Variants in CDC42BPG observed in about 807,000 individuals in gnomAD.
CDC42BPG encodes the protein serine/threonine-protein kinase MRCK gamma.
In CDC42BPG, 157 loss-of-function variants were observed where a neutral mutation model predicts 192.2. The ratio of observed to expected loss-of-function variants is 0.82; its 90% CI spans 0.72 to 0.93. The LOEUF (loss-of-function observed/expected upper bound fraction) is 0.93. CDC42BPG is among the 40% of genes least tolerant of loss of function. CDC42BPG has a pLI of 0.00. For missense variants in CDC42BPG, 1,992 were observed against 2,122.1 expected (o/e 0.94, Z 1.20); for synonymous variants, 981 against 918.5 (o/e 1.07, Z -1.23).
At position 64,834,649 on chromosome 11, in the gene CDC42BPG, G is replaced by A. The variant is rs750435313; in HGVS notation, c.2176-72C>T. The A allele has an allele frequency of 5.2e-5, 76 of 1,464,750 alleles. No individual in the cohort carries two copies. The South Asian group carries it at 5.6e-4, about 11-fold the overall frequency. The allele number at this position is 1,464,750 out of a possible 1,614,324, so 90.7% of individuals were successfully genotyped here. A position where few individuals can be genotyped will look rare whatever the true frequency, so the allele number is the denominator to read the frequency against. On this transcript the variant is annotated intron_variant, in intron 18 of 36. Transcript: ENST00000342711. ...GCCTCAGGGACCCCCTGCTACCAGAGCATCCTGCTACCCATGCCACCCAGC... is the reference window on the plus strand; with the variant it reads ...GCCTCAGGGACCCCCTGCTACCAGAACATCCTGCTACCCATGCCACCCAGC...
rs750259947 is a variant in CDC42BPG at position 64,835,613 on chromosome 11, GTGGA to G, written c.1763_1766del (p.Ile588ThrfsTer21). ...CCATCCCGTTGGTCTCAGAGGCTGTGTGGATGGTCTTGGGGACATGGAGGGGGTC... is the reference window on the plus strand; with the variant it reads ...CCATCCCGTTGGTCTCAGAGGCTGTGTGGTCTTGGGGACATGGAGGGGGTC... On this transcript the variant is annotated frameshift_variant, in exon 15 of 37. Coordinates refer to ENST00000342711, the MANE Select transcript of CDC42BPG (RefSeq NM_017525.3). LOFTEE classifies it high-confidence loss of function. The G allele has an allele frequency of 5.7e-6, 9 of 1,568,430 alleles. No individual in the cohort carries two copies.
At chr11:64,830,301 A>T in intron 28 of CDC42BPG, 45 bp from the exon 29 acceptor site, 1 of 1,497,320 alleles carries the variant, frequency 6.7e-7, no homozygotes, top group Non-Finnish European at 9.2e-7. Context: ...GTCCCACTCA[A>T]TGACACGGAG....
chr11:64,835,017 T>TGGCCCCCCCCCCCCCCCCCCCCCCCCC, intron 17 of CDC42BPG, 30 bp downstream of exon 17: 3 of 1,571,950 alleles, frequency 1.9e-6, no homozygotes, highest in East Asian at 2.3e-5. Flanking sequence ...TCGCCTGCGT[T>TGGCCCCCCCCCCCCCCCCCCCCCCCCC]CCCCACCCCG....
At position 64,840,578 on chromosome 11, in the gene CDC42BPG, T is replaced by C. The variant is rs749657275; in HGVS notation, c.407A>G (p.Tyr136Cys). The C allele has an allele frequency of 5.0e-6, 8 of 1,613,840 alleles. No individual in the cohort carries two copies. The highest frequency in any genetic ancestry group is 1.3e-5 in the African/African-American group (1 of 74,932). Residue 136 changes from tyrosine (Y) to cysteine (C), a missense_variant, in exon 4 of 37, where the codon TAT (tyrosine) becomes TGT (cysteine). Coordinates refer to ENST00000342711, the MANE Select transcript of CDC42BPG (RefSeq NM_017525.3). ...GDSRWVTTLHYAFQDEEYLYL... is the reference protein window; with the variant it reads ...GDSRWVTTLHCAFQDEEYLYL... ...CAGGTACTCCTCGTCTTGGAAGGCA[T>C]AGTGCAGAGTGGTCACCCAACGGCT...
intron 1 of CDC42BPG, among the ~76,000 whole-genome samples, chr11:64,843,813 G>A (rs1253761592): frequency 6.6e-6 from 1 of 152,374 alleles, no homozygotes; most frequent in African/African-American, 2.4e-5. Context: ...CAGGCCAAGG[G>A]TTGGAGATCG....
intron 1 of CDC42BPG, among the ~76,000 whole-genome samples, chr11:64,843,623 T>C (rs1295594518): frequency 6.6e-6 from 1 of 152,054 alleles, no homozygotes; most frequent in Non-Finnish European, 1.5e-5. Flanking sequence ...CCCGGCAGGG[T>C]GTGACCAGGG....
Position 64,826,533 on chromosome 11 carries a change from G to T in CDC42BPG, c.4536C>A (p.Ser1512=), listed in dbSNP as rs760002344. ...GGCAGGACACAGACTCGCTGGACAG[G>T]GATGTCCAGGGTTTCCTCTTCACTG... The part of the protein sequence containing the change: ...ADPMKRKPWT[S]LSSESVSCPQ... Residue 1512 remains serine, a synonymous_variant, in exon 36 of 37, where the codon TCC becomes TCA. Coordinates refer to ENST00000342711, the MANE Select transcript of CDC42BPG (RefSeq NM_017525.3). The T allele has an allele frequency of 1.9e-6, 3 of 1,602,952 alleles. No individual in the cohort carries two copies. Among genetic ancestry groups the T allele is most frequent in the Non-Finnish European group, 2.6e-6 (3 of 1,175,230 alleles).
chr11:64,839,058 G>A lies in CDC42BPG; in HGVS notation c.851C>T (p.Thr284Ile). 1 of 1,613,656 alleles carries A rather than the reference G, an allele frequency of 6.2e-7. No homozygotes were observed. The highest frequency in any genetic ancestry group is 1.3e-5 in the African/African-American group (1 of 75,060). ...CTCGTGGTTCATGATCTTGCCGTAG[G>A]TTTCCACCAAGGACTCAGCATAGAA... ...TPFYAESLVE[T>I]YGKIMNHEDH... The change falls in exon 7 of 37, where the codon ACC becomes ATC. Residue 284 changes from threonine (T) to isoleucine (I), a missense_variant. Physicochemically the swap from Thr to Ile is moderately conservative, Grantham distance 89 (BLOSUM62 -1). Coordinates refer to ENST00000342711, the MANE Select transcript of CDC42BPG (RefSeq NM_017525.3).
Position 64,834,565 on chromosome 11 carries a change from TC to T in CDC42BPG, c.2187del (p.Trp729Ter). The T allele has an allele frequency of 6.4e-7, 1 of 1,569,788 alleles. No homozygotes were observed. Among genetic ancestry groups the T allele is most frequent in the Non-Finnish European group, 8.7e-7 (1 of 1,154,296 alleles). ...TCCATCTTCTGCAGTCGCCGCGCCT[TC>T]CACTGGTGGTCCTGGTGGCCACGGA... ...TLPARPLDHQ[W>X]KARRLQKMEA... On this transcript the variant is annotated frameshift_variant, in exon 19 of 37. Transcript: ENST00000342711. LOFTEE classifies it high-confidence loss of function.
chr11:64,834,083 G>A (rs544641206), intron 20 of CDC42BPG, 106 bp from the exon 21 acceptor site: 216 of 1,525,154 alleles, frequency 1.4e-4, no homozygotes, highest in East Asian at 5.8e-4. Flanking sequence ...TGACCACAGG[G>A]TGGGGCAGGG....
At chr11:64,826,319 G>A in intron 36 of CDC42BPG, 151 bp downstream of exon 36, 2 of 649,528 alleles carry the variant, frequency 3.1e-6, no homozygotes, top group East Asian at 2.8e-5. Flanking sequence ...CACTGGTGGG[G>A]TGAGACAGGT....
intron 1 of CDC42BPG, among the ~76,000 whole-genome samples, chr11:64,843,160 C>G (rs1028978557): frequency 2.0e-5 from 3 of 152,010 alleles, no homozygotes; most frequent in Non-Finnish European, 4.4e-5. Flanking sequence ...GGCATGGGGG[C>G]TCCGGGCAGG....
Position 64,835,124 on chromosome 11 carries a change from C to T in CDC42BPG, c.1983G>A (p.Glu661=). ...RLEAELAQEQ[E]SKQRLEGERR... Reference sequence around the variant, plus strand: ...GCTCACCCTCCAGCCGCTGCTTGCTCTCCTGCTCCTGGGCCAGCTCTGCTT... The same window carrying T: ...GCTCACCCTCCAGCCGCTGCTTGCTTTCCTGCTCCTGGGCCAGCTCTGCTT... Residue 661 remains glutamate (E), a synonymous_variant, in exon 17 of 37, where the codon GAG becomes GAA. Coordinates refer to ENST00000342711, the MANE Select transcript of CDC42BPG (RefSeq NM_017525.3). 1 of 1,601,588 alleles carries T rather than the reference C, an allele frequency of 6.2e-7. No individual in the cohort carries two copies. The highest frequency in any genetic ancestry group is 8.5e-7 in the Non-Finnish European group (1 of 1,179,630).
chr11:64,842,584 G>A (rs1402983121), intron 1 of CDC42BPG, among the ~76,000 whole-genome samples: 5 of 152,212 alleles, frequency 3.3e-5, no homozygotes, highest in South Asian at 2.1e-4. Flanking sequence ...CCCTGAAGGC[G>A]TGAGTGCTCA....
intron 36 of CDC42BPG, 59 bp from the exon 37 acceptor site, chr11:64,824,588 G>A (rs1942348988): frequency 3.2e-6 from 4 of 1,246,462 alleles, no homozygotes; most frequent in Middle Eastern, 1.9e-4. Context: ...TTTCCTCATA[G>A]GGCTGGTGGG....
rs1283296453 is a variant in CDC42BPG, at chr11:64,829,915, C to T, written c.3523G>A (p.Glu1175Lys). 9 of 1,610,726 alleles carry T rather than the reference C, an allele frequency of 5.6e-6. No individual in the cohort carries two copies. The highest frequency in any genetic ancestry group is 7.6e-6 in the Non-Finnish European group (9 of 1,178,980). ...GCCAGCACCTGGCAGCCTCGAGACTCGGGGATCTTGGCACCTGCTACCTCT... is the reference window on the plus strand; with the variant it reads ...GCCAGCACCTGGCAGCCTCGAGACTTGGGGATCTTGGCACCTGCTACCTCT... ...NIEVAGAKIP[E>K]SRGCQVLAAG... is the part of the protein sequence containing the mutation. The change falls in exon 30 of 37, where the codon GAG (glutamate) becomes AAG (lysine). Residue 1175 changes from glutamate to lysine, a missense_variant. Glu to Lys is a moderately conservative substitution (Grantham distance 56, BLOSUM62 1). Around this residue, in one of 2 missense-constraint regions of CDC42BPG, gnomAD observed 1,656 missense variants for 1,844.3 expected, o/e 0.90. Transcript: ENST00000342711.
At position 64,823,334 on chromosome 11, in the gene CDC42BPG, C is replaced by T. The variant is rs1942313638; in HGVS notation, c.*1139G>A. 1 of 152,092 alleles carries T rather than the reference C, an allele frequency of 6.6e-6. No homozygotes were observed. Among genetic ancestry groups the T allele is most frequent in the Non-Finnish European group, 1.5e-5 (1 of 68,046 alleles). 9.4% of individuals were successfully genotyped at this position (152,092 alleles called of 1,614,324 possible). On this transcript the variant is annotated 3_prime_UTR_variant, in exon 37 of 37. Coordinates refer to ENST00000342711, the MANE Select transcript of CDC42BPG (RefSeq NM_017525.3). ...ATCTCCTGACCTCGGGATCTGCCCG[C>T]CTCGGCCTCCCAAAGTGCTGGGATT...
At chr11:64,826,374 T>G (rs1229097754) in intron 36 of CDC42BPG, 96 bp downstream of exon 36, 2 of 851,236 alleles carry the variant, frequency 2.3e-6, no homozygotes, top group East Asian at 5.3e-5. Context: ...TGGGCTCAGC[T>G]TGTTCCCTAG....
intron 34 of CDC42BPG, 83 bp downstream of exon 34, chr11:64,826,967 G>T: frequency 8.4e-7 from 1 of 1,192,458 alleles, no homozygotes; most frequent in Non-Finnish European, 1.2e-6. Flanking sequence ...ACAGCGGCCC[G>T]TGATTGGCTA....
Sources: allele counts gnomAD v4.1 joint callset (sites outside exome capture counted in the v4.1 genomes callset), GRCh38; gene constraint gnomAD v4.1.1; regional missense constraint gnomAD v4.1.1; transcripts MANE v1.5; gene names NCBI Gene and HGNC (gene_info 2026-07-23, HGNC 2026-07-21).